ABCA4: variants seen among roughly 807,000 people sequenced by gnomAD.
The protein encoded by ABCA4 is retinal-specific phospholipid-transporting ATPase ABCA4.
A neutral mutation model predicts 263.7 loss-of-function variants in ABCA4; 196 were observed. The observed-to-expected ratio is 0.74, with a 90% confidence interval of 0.66 to 0.84. The LOEUF is 0.84. Among genes scored for constraint, ABCA4 ranks in the 40% least tolerant of loss-of-function variants. The pLI is 0.00. For synonymous variants in ABCA4, 1,133 were observed against 1,094.2 expected (o/e 1.04, Z -0.70); for missense variants, 2,792 against 2,855.1 (o/e 0.98, Z 0.50).
At position 94,021,846 on chromosome 1, in the gene ABCA4, C is replaced by A. The variant is rs751844313; in HGVS notation, c.4773G>T (p.Gly1591=). The A allele has an allele frequency of 5.0e-6, 8 of 1,614,066 alleles. No individual in the cohort carries two copies. The Admixed American group carries it at 1.3e-4, about 27-fold the overall frequency. Residue 1591 remains glycine, a splice_region_variant and synonymous_variant, in exon 33 of 50, where the codon GGG becomes GGT. Transcript: ENST00000370225. ...SDLGRIMNVS[G]GPITREASKE... is the part of the protein sequence containing the mutation. Reference sequence around the variant, plus strand: ...TCAAATCTCCAGTCTGTTTACATACCCCGCTCACATTCATGATCCGGCCAA... The same window carrying A: ...TCAAATCTCCAGTCTGTTTACATACACCGCTCACATTCATGATCCGGCCAA...
intron 48 of ABCA4, among the ~76,000 whole-genome samples, chr1:93,996,530 T>C (rs907795095): frequency 3.9e-5 from 6 of 152,220 alleles, no homozygotes; most frequent in Non-Finnish European, 8.8e-5. Context: ...AATTGATCCC[T>C]GTTCAGCTCC....
chr1:94,082,695 G>A (rs74104510), intron 7 of ABCA4, among the ~76,000 whole-genome samples: 121 of 152,282 alleles, frequency 7.9e-4, no homozygotes, highest in African/African-American at 2.3e-3. Flanking sequence ...CCTCCCTTTC[G>A]TAACACTCAT....
intron 9 of ABCA4, 52 bp downstream of exon 9, chr1:94,079,270 C>CAT: frequency 6.2e-7 from 1 of 1,610,514 alleles, no homozygotes; most frequent in Non-Finnish European, 8.5e-7. Context: ...CACACACACA[C>CAT]ACACTTCTGG....
chr1:94,088,310 A>G (rs563429), intron 6 of ABCA4, among the ~76,000 whole-genome samples: 37,222 of 151,898 alleles, frequency 0.25, 5,036 homozygotes, highest in Non-Finnish European at 0.31. Context: ...CAGCAACTGT[A>G]CCTCTACCTT....
At chr1:94,104,956 C>T (rs949477333) in intron 4 of ABCA4, among the ~76,000 whole-genome samples, 2 of 151,992 alleles carry the variant, frequency 1.3e-5, no homozygotes, top group East Asian at 1.9e-4. Flanking sequence ...AACACACGCA[C>T]ACACACACGC....
chr1:94,001,875 G>A lies in ABCA4; in HGVS notation c.6265C>T (p.Pro2089Ser). The A allele has an allele frequency of 6.2e-7, 1 of 1,614,246 alleles. No homozygotes were observed. Among genetic ancestry groups the A allele is most frequent in the Non-Finnish European group, 8.5e-7 (1 of 1,180,044 alleles). The change falls in exon 45 of 50, where the codon CCA becomes TCA. Residue 2089 changes from proline (P) to serine (S), a missense_variant. Transcript: ENST00000370225. ...LSTAIALIGC[P>S]PLVLLDEPTT... ...GCAGTTACCAGCAGCACCAGCGGTG[G>A]GCAGCCAATGAGTGCGATGGCTGTG...
intron 11 of ABCA4, among the ~76,000 whole-genome samples, chr1:94,066,572 G>A (rs1367568092): frequency 6.6e-6 from 1 of 152,254 alleles, no homozygotes; most frequent in Admixed American, 6.5e-5. Flanking sequence ...GCCCTAGAGG[G>A]CTTGTGGTCT....
At position 94,111,552 on chromosome 1, in the gene ABCA4, G is replaced by A. The variant is rs2101162668; in HGVS notation, c.188C>T (p.Ser63Leu). 6.2e-7 allele frequency: 1 copy of A among 1,614,246 alleles called. No homozygotes were observed. The highest frequency in any genetic ancestry group is 8.5e-7 in the Non-Finnish European group (1 of 1,180,036). Residue 63 changes from serine (S) to leucine (L), a missense_variant, in exon 3 of 50, where the codon TCA becomes TTA. Ser to Leu is a moderately radical substitution (Grantham distance 145). Coordinates refer to ENST00000370225, the MANE Select transcript of ABCA4 (RefSeq NM_000350.3). ...CTGGAGCCACGGCAGCATTCCTGCT[G>A]AGGGCATCGCCTTGTTGGGGAAATG... Reference protein sequence around the residue: ...ECHFPNKAMPSAGMLPWLQGI... With the variant: ...ECHFPNKAMPLAGMLPWLQGI...
intron 11 of ABCA4, among the ~76,000 whole-genome samples, chr1:94,067,721 T>A (rs1048908173): frequency 6.6e-6 from 1 of 152,202 alleles, no homozygotes; most frequent in Non-Finnish European, 1.5e-5. Context: ...TACAATTGCC[T>A]CCCTGTAGGA....
At chr1:93,994,516 T>C (rs1272495719) in intron 49 of ABCA4, among the ~76,000 whole-genome samples, 3 of 152,250 alleles carry the variant, frequency 2.0e-5, no homozygotes, top group Non-Finnish European at 4.4e-5. Flanking sequence ...ATTGCCTTTT[T>C]CTTGTTTGAA....
intron 6 of ABCA4, among the ~76,000 whole-genome samples, chr1:94,096,872 C>T (rs1360451086): frequency 1.3e-5 from 2 of 152,166 alleles, no homozygotes; most frequent in South Asian, 4.1e-4. Flanking sequence ...GTACCCAGGC[C>T]CTGCCTGCAA....
In ABCA4 at chr1:94,021,288, A is replaced by C. The variant is rs1472135045; in HGVS notation, c.4970T>G (p.Ile1657Ser). Residue 1657 changes from isoleucine to serine, a missense_variant, in exon 35 of 50, where the codon ATT becomes AGT. Coordinates refer to ENST00000370225, the MANE Select transcript of ABCA4 (RefSeq NM_000350.3). The stretch of plus-strand genomic sequence containing the variant: ...CTTGGTCAGGTTCAGGGGTTGGCTA[A>C]TGACGGTGATTCCATACTCCTCGGG... ...RSPEEYGITV[I>S]SQPLNLTKEQ... 16 of 1,614,108 alleles carry C rather than the reference A, an allele frequency of 9.9e-6. No homozygotes were observed. Among genetic ancestry groups the C allele is most frequent in the Non-Finnish European group, 1.2e-5 (14 of 1,180,048 alleles).
At chr1:94,012,526 T>C (rs759881375) in intron 38 of ABCA4, among the ~76,000 whole-genome samples, 3 of 152,136 alleles carry the variant, frequency 2.0e-5, no homozygotes, top group Non-Finnish European at 2.9e-5. Context: ...GGGCACTGAG[T>C]CCTAATTATT....
At position 94,083,558 on chromosome 1, in the gene ABCA4, C is replaced by A. The variant is rs759473098; in HGVS notation, c.769-117G>T. Reference sequence around the variant, plus strand: ...AACTCCCCCCCTCCTTCTTTCTGATCGCAGGATCTTTTCTGCAAGATTACT... The same window carrying A: ...AACTCCCCCCCTCCTTCTTTCTGATAGCAGGATCTTTTCTGCAAGATTACT... On this transcript the variant is annotated intron_variant, in intron 6 of 49. Transcript: ENST00000370225. 6.8e-6 allele frequency: 5 copies of A among 733,150 alleles called. No individual in the cohort carries two copies. The South Asian group carries it at 9.0e-5, about 13-fold the overall frequency. The allele number at this position is 733,150 out of a possible 1,614,324, so 45.4% of individuals were successfully genotyped here.
chr1:94,075,099 G>A (rs1377033107), intron 11 of ABCA4, among the ~76,000 whole-genome samples: 3 of 152,166 alleles, frequency 2.0e-5, no homozygotes, highest in African/African-American at 7.2e-5. Context: ...CTTGTAAGTG[G>A]AAGCTGAACA....
At chr1:94,105,117 C>T (rs970697296) in intron 4 of ABCA4, among the ~76,000 whole-genome samples, 16 of 152,312 alleles carry the variant, frequency 1.1e-4, no homozygotes, top group African/African-American at 3.9e-4. Context: ...ATGCTGGGTG[C>T]ACAGATGCAA....
chr1:94,037,584 T>C (rs1423303228), intron 24 of ABCA4, among the ~76,000 whole-genome samples: 1 of 150,692 alleles, frequency 6.6e-6, no homozygotes, highest in African/African-American at 2.4e-5. Context: ...CCCGACTAGC[T>C]AGCTGTGCAA....
intron 24 of ABCA4, among the ~76,000 whole-genome samples, chr1:94,039,703 G>T (rs1013768069): frequency 1.3e-5 from 2 of 152,196 alleles, no homozygotes; most frequent in African/African-American, 2.4e-5. Context: ...AGGGCGCCAC[G>T]GCACACATGT....
chr1:94,076,502 G>A (rs757710901), intron 11 of ABCA4, among the ~76,000 whole-genome samples: 3 of 152,134 alleles, frequency 2.0e-5, no homozygotes, highest in African/African-American at 4.8e-5. Context: ...GACCAAAAGC[G>A]CTCTAATAAA....
Sources: allele counts gnomAD v4.1 joint callset (sites outside exome capture counted in the v4.1 genomes callset), GRCh38; gene constraint gnomAD v4.1.1; transcripts MANE v1.5; gene names NCBI Gene and HGNC (gene_info 2026-07-23, HGNC 2026-07-21).